TMTC1: variants seen among roughly 807,000 people sequenced by gnomAD.
TMTC1 encodes the protein transmembrane O-mannosyltransferase targeting cadherins 1.
Under a neutral mutation model 104.8 loss-of-function variants are expected in TMTC1, and 73 were observed. The observed-to-expected ratio is 0.70, with a 90% confidence interval of 0.58 to 0.85. The LOEUF (loss-of-function observed/expected upper bound fraction) is 0.85, where lower values mean the gene tolerates loss of function less well. Among genes scored for constraint, TMTC1 ranks in the 40% least tolerant of loss-of-function variants. The pLI, the probability that TMTC1 is intolerant of heterozygous loss-of-function variation, is 0.00. For synonymous variants in TMTC1, 434 were observed against 428.7 expected, an observed-to-expected ratio of 1.01 and a Z score of -0.15; for missense variants, 1,035 against 1,096.1, an observed-to-expected ratio of 0.94 and a Z score of 0.79.
intron 5 of TMTC1, among the ~76,000 whole-genome samples, chr12:29,675,200 C>A (rs569828030): frequency 6.6e-6 from 1 of 152,152 alleles, no homozygotes; most frequent in African/African-American, 2.4e-5. Flanking sequence ...AGTCTTAACA[C>A]CACATTTACA....
intron 5 of TMTC1, among the ~76,000 whole-genome samples, chr12:29,721,916 A>T (rs1182594054): frequency 2.6e-5 from 4 of 152,054 alleles, no homozygotes. Flanking sequence ...TATATTTTCT[A>T]AAACAAAAAA....
At chr12:29,622,176 T>TA (rs2136463886) in intron 6 of TMTC1, among the ~76,000 whole-genome samples, 1 of 152,244 alleles carries the variant, frequency 6.6e-6, no homozygotes, top group East Asian at 1.9e-4. Flanking sequence ...CAGGTATCAG[T>TA]AGCCCACCTC....
chr12:29,728,891 G>A lies in TMTC1; in HGVS notation c.938+22775C>T, dbSNP rs111797832. Reference sequence around the variant, plus strand: ...CTGGTGCCTGTAACCCCAGCTACTAGGGAGGCTGAGGCAGGAGAATCACTT... The same window carrying A: ...CTGGTGCCTGTAACCCCAGCTACTAAGGAGGCTGAGGCAGGAGAATCACTT... On this transcript the variant is annotated intron_variant, in intron 5 of 17. Coordinates refer to ENST00000539277, the MANE Select transcript of TMTC1 (RefSeq NM_001193451.2). Among the ~76,000 whole-genome samples, 27 of 151,170 alleles carry A rather than the reference G, an allele frequency of 1.8e-4. 2 individuals carry two copies. Among genetic ancestry groups the A allele is most frequent in the African/African-American group, 6.3e-4 (26 of 41,170 alleles).
chr12:29,723,005 CA>C (rs1692733144), intron 5 of TMTC1, among the ~76,000 whole-genome samples: 1 of 149,584 alleles, frequency 6.7e-6, no homozygotes, highest in African/African-American at 2.5e-5. Context: ...AATTAAGACA[CA>C]AAAATCAATT....
intron 5 of TMTC1, among the ~76,000 whole-genome samples, chr12:29,715,672 T>C (rs1942056431): frequency 6.6e-6 from 1 of 152,152 alleles, no homozygotes. Context: ...TACCCAAGAC[T>C]GGGTAATTTA....
At chr12:29,562,836 C>A (rs1360067635) in intron 9 of TMTC1, among the ~76,000 whole-genome samples, 2 of 152,186 alleles carry the variant, frequency 1.3e-5, no homozygotes, top group Non-Finnish European at 2.9e-5. Context: ...TTGGGGTCAG[C>A]TGCAGGACCT....
At chr12:29,777,150 G>A (rs558075671) in intron 1 of TMTC1, among the ~76,000 whole-genome samples, 32 of 151,942 alleles carry the variant, frequency 2.1e-4, no homozygotes, top group African/African-American at 7.2e-4. Context: ...GCTGGAGTGC[G>A]GTGGTGCAAT....
At chr12:29,558,274 G>A (rs1021417530) in intron 9 of TMTC1, among the ~76,000 whole-genome samples, 30 of 152,112 alleles carry the variant, frequency 2.0e-4, no homozygotes, top group Non-Finnish European at 1.3e-4. Context: ...CCAAGATAAC[G>A]CCCAAGTAAT....
At chr12:29,698,856 G>A (rs964792603) in intron 5 of TMTC1, among the ~76,000 whole-genome samples, 5 of 152,212 alleles carry the variant, frequency 3.3e-5, no homozygotes, top group African/African-American at 4.8e-5. Context: ...AATGGGGAAA[G>A]AGGGGGTTAA....
At chr12:29,715,363 A>G (rs894967449) in intron 5 of TMTC1, among the ~76,000 whole-genome samples, 2 of 152,246 alleles carry the variant, frequency 1.3e-5, no homozygotes, top group African/African-American at 4.8e-5. Context: ...AAGTATATAA[A>G]TGAAAAAGTG....
At chr12:29,624,696 C>T (rs1304909688) in intron 6 of TMTC1, among the ~76,000 whole-genome samples, 1 of 152,156 alleles carries the variant, frequency 6.6e-6, no homozygotes, top group Non-Finnish European at 1.5e-5. Context: ...TCTGTGAGGC[C>T]AGCCCTGACC....
intron 7 of TMTC1, among the ~76,000 whole-genome samples, chr12:29,589,713 A>G (rs1342599760): frequency 6.6e-6 from 1 of 152,192 alleles, no homozygotes; most frequent in Non-Finnish European, 1.5e-5. Context: ...AGCTAACAAC[A>G]CAAACATTTA....
At chr12:29,682,495 A>C (rs895318844) in intron 5 of TMTC1, among the ~76,000 whole-genome samples, 3 of 152,218 alleles carry the variant, frequency 2.0e-5, no homozygotes, top group African/African-American at 7.2e-5. Context: ...ACTAAAAAAA[A>C]CCAAAATGTA....
intron 11 of TMTC1, chr12:29,535,564 T>C (rs299454): frequency 0.54 from 82,036 of 152,012 alleles, 25,022 homozygotes; most frequent in Non-Finnish European, 0.67. Flanking sequence ...TCTGGTAATT[T>C]TATGGTAGCA....
intron 5 of TMTC1, among the ~76,000 whole-genome samples, chr12:29,734,920 G>A (rs759444594): frequency 2.2e-4 from 33 of 152,106 alleles, no homozygotes; most frequent in Admixed American, 3.9e-4. Flanking sequence ...AGAACATAAC[G>A]TGCTGAATCT....
At position 29,545,858 on chromosome 12, in the gene TMTC1, C is replaced by T. The variant is rs181422040; in HGVS notation, c.1677-9541G>A. Among the ~76,000 whole-genome samples, 31 of 152,234 alleles carry T rather than the reference C, an allele frequency of 2.0e-4. No individual in the cohort carries two copies. In the East Asian group the frequency reaches 5.2e-3, roughly 26 times the overall value. ...AATTAATAATAGTTAAAGCTTATTT[C>T]ATCTTCATTGGGTAATAGGGCCTAT... On this transcript the variant is annotated intron_variant, in intron 10 of 17. Transcript: ENST00000539277.
intron 5 of TMTC1, among the ~76,000 whole-genome samples, chr12:29,695,575 G>A (rs9634108): frequency 0.056 from 8,447 of 151,544 alleles, 503 homozygotes; most frequent in East Asian, 0.26. Context: ...AAAGTGCTGG[G>A]ATTACAGGCG....
intron 5 of TMTC1, among the ~76,000 whole-genome samples, chr12:29,732,790 G>A (rs1203196345): frequency 6.6e-6 from 1 of 152,038 alleles, no homozygotes; most frequent in Non-Finnish European, 1.5e-5. Flanking sequence ...GGCAAACAAC[G>A]CCCATCACCC....
At chr12:29,782,663 C>T (rs1346324901) in intron 1 of TMTC1, 1 of 152,214 alleles carries the variant, frequency 6.6e-6, no homozygotes, top group Non-Finnish European at 1.5e-5. Flanking sequence ...AAAGAAAATA[C>T]TCCACCCCTC....
Sources: allele counts gnomAD v4.1 joint callset (sites outside exome capture counted in the v4.1 genomes callset), GRCh38; gene constraint gnomAD v4.1.1; transcripts MANE v1.5; gene names NCBI Gene and HGNC (gene_info 2026-07-23, HGNC 2026-07-21).